Variants in SH3RF1 observed in about 807,000 individuals in gnomAD.
SH3RF1 encodes the protein E3 ubiquitin-protein ligase SH3RF1.
SH3RF1 carries 32 observed loss-of-function variants against 74.0 expected under a neutral mutation model. The ratio of observed to expected loss-of-function variants is 0.43; its 90% confidence interval spans 0.33 to 0.58. The LOEUF is 0.58. Among genes scored for constraint, SH3RF1 ranks in the 20% least tolerant of loss-of-function variants. The probability of loss-of-function intolerance (pLI) is 0.05; values close to 1 mark genes in which losing one functional copy is unlikely to be tolerated. For synonymous variants in SH3RF1, 396 were observed against 439.6 expected (o/e 0.90, Z 1.24); for missense variants, 954 against 1,130.9 (o/e 0.84, Z 2.24).
chr4:169,233,147 G>A (rs936318600), intron 2 of SH3RF1, among the ~76,000 whole-genome samples: 6 of 151,632 alleles, frequency 4.0e-5, no homozygotes, highest in Non-Finnish European at 7.4e-5. Context: ...TACTCAGGGG[G>A]CTGAGGGAGG....
chr4:169,264,081 A>G (rs1219085494), intron 2 of SH3RF1, among the ~76,000 whole-genome samples: 1 of 152,176 alleles, frequency 6.6e-6, no homozygotes, highest in Non-Finnish European at 1.5e-5. Context: ...CTTTAGGAGT[A>G]TGTCTACAGT....
intron 8 of SH3RF1, 106 bp downstream of exon 8, chr4:169,120,713 T>C: frequency 8.2e-7 from 1 of 1,215,310 alleles, no homozygotes. Flanking sequence ...CTTGGCTATG[T>C]AACAGGCAAT....
chr4:169,137,562 A>C (rs925352119), intron 4 of SH3RF1, among the ~76,000 whole-genome samples: 1 of 152,236 alleles, frequency 6.6e-6, no homozygotes, highest in Admixed American at 6.5e-5. Context: ...TAACTTAAAT[A>C]TAATATTAAG....
At chr4:169,213,993 T>C (rs766264206) in intron 2 of SH3RF1, among the ~76,000 whole-genome samples, 2 of 152,338 alleles carry the variant, frequency 1.3e-5, no homozygotes, top group South Asian at 2.1e-4. Flanking sequence ...TAGGCTATTA[T>C]GGGGCTTTTG....
intron 2 of SH3RF1, among the ~76,000 whole-genome samples, chr4:169,157,289 TCA>T (rs1176116398): frequency 1.3e-5 from 2 of 152,224 alleles, no homozygotes; most frequent in African/African-American, 4.8e-5. Context: ...GAGTGAACAG[TCA>T]CAGTACCTGC....
At chr4:169,107,237 A>T (rs745995472) in intron 10 of SH3RF1, 32 bp from the exon 11 acceptor site, 2 of 1,506,234 alleles carry the variant, frequency 1.3e-6, no homozygotes, top group Admixed American at 4.5e-5. Flanking sequence ...CCTTAGTTGG[A>T]GAATGACAGT....
intron 2 of SH3RF1, among the ~76,000 whole-genome samples, chr4:169,240,936 T>G (rs1466041578): frequency 6.6e-6 from 1 of 152,158 alleles, no homozygotes; most frequent in Non-Finnish European, 1.5e-5. Context: ...GCTTTCCTTT[T>G]TAAAACTGCC....
At chr4:169,268,056 A>G (rs570030245) in intron 2 of SH3RF1, among the ~76,000 whole-genome samples, 1 of 152,044 alleles carries the variant, frequency 6.6e-6, no homozygotes, top group Non-Finnish European at 1.5e-5. Context: ...TATTTCTAAT[A>G]AATACAGATT....
intron 2 of SH3RF1, among the ~76,000 whole-genome samples, chr4:169,184,958 G>A (rs1579125439): frequency 6.6e-6 from 1 of 152,280 alleles, no homozygotes; most frequent in East Asian, 1.9e-4. Context: ...TTCAAATAGT[G>A]AAGTTACAGG....
intron 2 of SH3RF1, among the ~76,000 whole-genome samples, chr4:169,228,621 A>G (rs559879389): frequency 1.3e-5 from 2 of 152,180 alleles, no homozygotes; most frequent in Non-Finnish European, 2.9e-5. Flanking sequence ...TCTCCTCTCC[A>G]GGTCAGCTGA....
chr4:169,102,035 T>C (rs1733046432), intron 11 of SH3RF1, among the ~76,000 whole-genome samples: 1 of 152,212 alleles, frequency 6.6e-6, no homozygotes, highest in South Asian at 2.1e-4. Flanking sequence ...CTGTAGTTCA[T>C]ACATTTTCAT....
In SH3RF1 at chr4:169,156,595, T is replaced by C; in HGVS notation, c.478A>G (p.Ile160Val). The change falls in exon 3 of 12, where the codon ATC (isoleucine) becomes GTC (valine). Residue 160 changes from isoleucine to valine, a missense_variant. Transcript: ENST00000284637. Reference sequence around the variant, plus strand: ...TCCACTTGTCTTCGCAAAATGATGATGTCACCTTTGCTGAATTTAAGGTCT... The same window carrying C: ...TCCACTTGTCTTCGCAAAATGATGACGTCACCTTTGCTGAATTTAAGGTCT... ...PGDLKFSKGD[I>V]IILRRQVDEN... is the part of the protein sequence containing the mutation. 2 of 1,614,070 alleles carry C rather than the reference T, an allele frequency of 1.2e-6. No homozygotes were observed. Among genetic ancestry groups the C allele is most frequent in the South Asian group, 1.1e-5 (1 of 91,082 alleles).
chr4:169,102,359 GT>G (rs1047325902), intron 11 of SH3RF1, among the ~76,000 whole-genome samples: 3 of 151,362 alleles, frequency 2.0e-5, no homozygotes, highest in African/African-American at 7.3e-5. Context: ...GTTTCCAAGT[GT>G]TCTAGCTTAA....
intron 2 of SH3RF1, among the ~76,000 whole-genome samples, chr4:169,179,999 T>G (rs1332141571): frequency 6.6e-6 from 1 of 152,178 alleles, no homozygotes. Context: ...ATCAAACATC[T>G]TAGATGTAAT....
At chr4:169,237,989 G>C (rs977317607) in intron 2 of SH3RF1, among the ~76,000 whole-genome samples, 2 of 152,014 alleles carry the variant, frequency 1.3e-5, no homozygotes, top group African/African-American at 4.8e-5. Context: ...GGTCGGGTTA[G>C]CAAGAATCCC....
In SH3RF1 at chr4:169,156,431, T is replaced by G; in HGVS notation, c.642A>C (p.Ala214=). The change falls in exon 3 of 12, where the codon GCA becomes GCC. Residue 214 remains alanine, a synonymous_variant. Coordinates refer to ENST00000284637, the MANE Select transcript of SH3RF1 (RefSeq NM_020870.4). ...LYDFEVKDKE[A]DKDCLPFAKD... Reference sequence around the variant, plus strand: ...TTGCAAATGGAAGGCAATCTTTGTCTGCTTCCTTGTCTTTCACTTCAAAGT... The same window carrying G: ...TTGCAAATGGAAGGCAATCTTTGTCGGCTTCCTTGTCTTTCACTTCAAAGT... 6.3e-7 allele frequency: 1 copy of G among 1,596,440 alleles called. No individual in the cohort carries two copies. Among genetic ancestry groups the G allele is most frequent in the Non-Finnish European group, 8.6e-7 (1 of 1,168,034 alleles).
chr4:169,171,903 A>C (rs1186704827), intron 2 of SH3RF1, among the ~76,000 whole-genome samples: 5 of 152,186 alleles, frequency 3.3e-5, no homozygotes, highest in Admixed American at 2.6e-4. Context: ...GTGAAAGGTT[A>C]TATCTGCTTC....
intron 4 of SH3RF1, among the ~76,000 whole-genome samples, chr4:169,150,029 C>A (rs1269544019): frequency 6.6e-6 from 1 of 152,202 alleles, no homozygotes; most frequent in Non-Finnish European, 1.5e-5. Context: ...CTAGCACCCC[C>A]ACCTTTAAGG....
chr4:169,233,430 G>C (rs943705856), intron 2 of SH3RF1, among the ~76,000 whole-genome samples: 15 of 152,018 alleles, frequency 9.9e-5, no homozygotes, highest in Admixed American at 3.3e-4. Context: ...AAACTATATT[G>C]AGTATGATTA....
Sources: gnomAD v4.1 joint callset for allele counts (sites outside exome capture counted in the v4.1 genomes callset) on GRCh38, gnomAD v4.1.1 for gene constraint, MANE v1.5 for transcripts, NCBI Gene and HGNC (gene_info 2026-07-23, HGNC 2026-07-21) for gene names.